The following GALNT13 variants were observed in gnomAD, a reference collection of about 807,000 sequenced individuals.
GALNT13 encodes polypeptide N-acetylgalactosaminyltransferase 13, also known as UDP-GalNAc:polypeptide N-acetylgalactosaminyltransferase 13.
Under a neutral mutation model 64.2 loss-of-function variants are expected in GALNT13, and 28 were observed. The ratio of observed to expected loss-of-function variants is 0.44; its 90% CI spans 0.32 to 0.60. GALNT13 has a LOEUF of 0.60. Among genes scored for constraint, GALNT13 ranks in the 20% least tolerant of loss-of-function variants. The probability of loss-of-function intolerance (pLI) is 0.05; values close to 1 mark genes in which losing one functional copy is unlikely to be tolerated. For synonymous variants in GALNT13, 214 were observed against 224.6 expected (o/e 0.95, Z 0.42); for missense variants, 577 against 669.8 (o/e 0.86, Z 1.53).
rs184598813 is a variant in GALNT13 at position 153,981,379 on chromosome 2, A to G, written c.142+36740A>G. Among the ~76,000 whole-genome samples the G allele has an allele frequency of 3.9e-5, 6 of 151,916 alleles. 1 individual carries two copies. In the Middle Eastern group the frequency reaches 0.01, roughly 258 times the overall value. ...TATCCCTCCCCACTCTGCCCACCCC[A>G]TAACAGGCCCTGGTGTGTGATGTTC... is the stretch of plus-strand genomic sequence containing the variant. On this transcript the variant is annotated intron_variant, in intron 3 of 12. Transcript: ENST00000392825.
the GALNT13 span, among the ~76,000 whole-genome samples, chr2:153,825,426 A>G: frequency 2.0e-5 from 3 of 152,194 alleles, no homozygotes; most frequent in Non-Finnish European, 4.4e-5. Context: ...GTATTTGTGT[A>G]TTTAGAGGCT....
the GALNT13 span, among the ~76,000 whole-genome samples, chr2:153,431,523 T>C: frequency 1.3e-5 from 2 of 152,202 alleles, no homozygotes; most frequent in Non-Finnish European, 2.9e-5. Context: ...AAGTTAGCAG[T>C]AGTTTTGCCC....
chr2:154,338,507 G>T (rs1027889779), intron 9 of GALNT13, among the ~76,000 whole-genome samples: 1 of 152,092 alleles, frequency 6.6e-6, no homozygotes, highest in Non-Finnish European at 1.5e-5. Context: ...TGAAGGAGGA[G>T]TTTTACTGTA....
intron 1 of GALNT13, among the ~76,000 whole-genome samples, chr2:153,889,181 A>C (rs1259299512): frequency 6.6e-6 from 1 of 151,948 alleles, no homozygotes; most frequent in South Asian, 2.1e-4. Context: ...GACACCACTA[A>C]AACTAAGTAT....
chr2:154,093,944 T>C (rs1174831984), intron 3 of GALNT13, among the ~76,000 whole-genome samples: 9 of 151,822 alleles, frequency 5.9e-5, no homozygotes, highest in Admixed American at 1.3e-4. Flanking sequence ...CAGCTGCCTA[T>C]TGACTTGTCA....
chr2:153,414,283 G>A, the GALNT13 span, among the ~76,000 whole-genome samples: 3 of 151,956 alleles, frequency 2.0e-5, no homozygotes, highest in African/African-American at 7.3e-5. Flanking sequence ...GCTGAGGCAG[G>A]AGAATTGCTT....
chr2:153,398,943 CAATT>C, the GALNT13 span, among the ~76,000 whole-genome samples: 1 of 114,020 alleles, frequency 8.8e-6, no homozygotes, highest in Non-Finnish European at 1.8e-5. Flanking sequence ...TCCCATTTGT[CAATT>C]TTGGCTTTTG....
the GALNT13 span, among the ~76,000 whole-genome samples, chr2:153,183,737 A>C: frequency 6.6e-6 from 1 of 151,972 alleles, no homozygotes; most frequent in Non-Finnish European, 1.5e-5. Context: ...TCTCTCCCCC[A>C]TTGCTTGTTT....
At position 153,986,045 on chromosome 2, in the gene GALNT13, T is replaced by G. The variant is rs559622646; in HGVS notation, c.142+41406T>G. Among the ~76,000 whole-genome samples the G allele has an allele frequency of 2.0e-5, 3 of 152,182 alleles. No individual in the cohort carries two copies. In the South Asian group the frequency reaches 6.2e-4, roughly 32 times the overall value. On this transcript the variant is annotated intron_variant, in intron 3 of 12. Coordinates refer to ENST00000392825, the MANE Select transcript of GALNT13 (RefSeq NM_052917.4). The stretch of plus-strand genomic sequence containing the variant: ...AGAAGTATGAAATTGCTAGATAGTA[T>G]TATCAGTGATGAGGTACGGAAATAT...
intron 4 of GALNT13, among the ~76,000 whole-genome samples, chr2:154,148,772 T>G (rs1244099387): frequency 6.6e-6 from 1 of 152,204 alleles, no homozygotes; most frequent in Non-Finnish European, 1.5e-5. Flanking sequence ...TTGATGGGGT[T>G]GTTTTGTTTT....
At chr2:153,516,877 A>G in the GALNT13 span, among the ~76,000 whole-genome samples, 60 of 152,046 alleles carry the variant, frequency 3.9e-4, no homozygotes, top group Non-Finnish European at 6.9e-4. Context: ...CTCTTTACAC[A>G]GTATTCAAGT....
At chr2:153,500,607 G>A in the GALNT13 span, among the ~76,000 whole-genome samples, 1 of 152,176 alleles carries the variant, frequency 6.6e-6, no homozygotes, top group Non-Finnish European at 1.5e-5. Flanking sequence ...GAGATCACTG[G>A]TTGGTCACAG....
chr2:153,639,472 C>T, the GALNT13 span, among the ~76,000 whole-genome samples: 6 of 152,058 alleles, frequency 3.9e-5, no homozygotes, highest in African/African-American at 1.2e-4. Context: ...TTTGAAAGAC[C>T]ATGTACATGA....
At chr2:153,397,941 C>CT in the GALNT13 span, among the ~76,000 whole-genome samples, 1 of 151,914 alleles carries the variant, frequency 6.6e-6, no homozygotes, top group South Asian at 2.1e-4. Flanking sequence ...TATTATTATA[C>CT]TTTAAGTTTC....
the GALNT13 span, among the ~76,000 whole-genome samples, chr2:153,522,122 C>G: frequency 6.6e-6 from 1 of 152,068 alleles, no homozygotes; most frequent in Non-Finnish European, 1.5e-5. Flanking sequence ...ATCGCTAGCT[C>G]AGGAGTTTGA....
the GALNT13 span, among the ~76,000 whole-genome samples, chr2:153,529,417 TA>T: frequency 1.5e-5 from 2 of 133,748 alleles, no homozygotes; most frequent in Non-Finnish European, 3.2e-5. Context: ...AAAGACGTTA[TA>T]AAAAGTCTCT....
chr2:153,082,500 G>A, the GALNT13 span, among the ~76,000 whole-genome samples: 1 of 147,004 alleles, frequency 6.8e-6, no homozygotes, highest in African/African-American at 2.5e-5. Flanking sequence ...TTTTGTGGGT[G>A]AGTAGTATTC....
chr2:153,783,176 A>G, the GALNT13 span, among the ~76,000 whole-genome samples: 4 of 152,212 alleles, frequency 2.6e-5, no homozygotes, highest in Non-Finnish European at 1.5e-5. Context: ...ATGAGGATAC[A>G]TTTCTGAGCT....
chr2:154,387,551 T>G (rs576439406), intron 9 of GALNT13, among the ~76,000 whole-genome samples: 31 of 152,166 alleles, frequency 2.0e-4, no homozygotes, highest in Admixed American at 6.5e-4. Flanking sequence ...AATTTTATAG[T>G]CTTTGATTAA....
Sources: gnomAD v4.1 joint callset for allele counts (sites outside exome capture counted in the v4.1 genomes callset) on GRCh38, gnomAD v4.1.1 for gene constraint, MANE v1.5 for transcripts, NCBI Gene and HGNC (gene_info 2026-07-23, HGNC 2026-07-21) for gene names.